Variants in SOD1 observed in about 807,000 individuals in gnomAD.
The protein encoded by SOD1 is superoxide dismutase 1.
SOD1 carries 8 observed loss-of-function variants against 15.9 expected under a neutral mutation model. That is an observed-to-expected ratio of 0.50 (90% CI 0.30 to 0.91). SOD1 has a LOEUF of 0.91. Among genes scored for constraint, SOD1 ranks in the 40% least tolerant of loss-of-function variants. The pLI is 0.07. For synonymous variants in SOD1, 86 were observed against 71.2 expected, an observed-to-expected ratio of 1.21 and a Z score of -1.04; for missense variants, 137 against 194.5, an observed-to-expected ratio of 0.70 and a Z score of 1.76.
At chr21:31,666,722 A>G in intron 3 of SOD1, 1 of 613,642 alleles carries the variant, frequency 1.6e-6, no homozygotes, top group East Asian at 2.9e-5. Context: ...GGGACACTTA[A>G]AACGATTTGG....
chr21:31,663,300 A>G (rs2049565003), intron 1 of SOD1, among the ~76,000 whole-genome samples: 4 of 152,024 alleles, frequency 2.6e-5, no homozygotes, highest in African/African-American at 7.2e-5. Context: ...AGATCATGCC[A>G]CTGCACTCCA....
At position 31,659,966 on chromosome 21, in the gene SOD1, GC is replaced by G. The variant is rs149235824; in HGVS notation, c.72+128del. On this transcript the variant is annotated intron_variant, in intron 1 of 4. Transcript: ENST00000270142. Reference sequence around the variant, plus strand: ...CGCCCTGGTCCAGCGCCCGGTCCCGGCCCGTGCCGCCCGGTCGGTGCCTTCG... The same window carrying G: ...CGCCCTGGTCCAGCGCCCGGTCCCGGCCGTGCCGCCCGGTCGGTGCCTTCG... The G allele has an allele frequency of 7.1e-5, 60 of 850,714 alleles. 1 individual carries two copies. The East Asian group carries it at 1.7e-3, about 23-fold the overall frequency. The allele number at this position is 850,714 out of a possible 1,614,324, so 52.7% of individuals were successfully genotyped here. A position where few individuals can be genotyped will look rare whatever the true frequency, so the allele number is the denominator to read the frequency against.
At position 31,668,664 on chromosome 21, in the gene SOD1, CTG is replaced by C. The variant is rs1483827840; in HGVS notation, c.*88_*89del. The C allele has an allele frequency of 6.9e-6, 7 of 1,020,504 alleles. No individual in the cohort carries two copies. Among genetic ancestry groups the C allele is most frequent in the Middle Eastern group, 2.0e-4 (1 of 4,936 alleles). 63.2% of individuals were successfully genotyped at this position (1,020,504 alleles called of 1,614,324 possible). A position where few individuals can be genotyped will look rare whatever the true frequency, so the allele number is the denominator to read the frequency against. ...AATGTATCCTGATAAACATTAAACA[CTG>C]TAATCTTAAAAGTGTAATTGTGTGA... On this transcript the variant is annotated 3_prime_UTR_variant, in exon 5 of 5. Transcript: ENST00000270142.
chr21:31,667,042 T>G (rs544232783), intron 3 of SOD1: 2 of 596,502 alleles, frequency 3.4e-6, no homozygotes, highest in Admixed American at 2.7e-5. Context: ...ACTGAGAGTT[T>G]ACCCTTTGGT....
In SOD1 at chr21:31,668,779, A is replaced by T; in HGVS notation, c.*201A>T. 1.8e-6 allele frequency: 1 copy of T among 567,446 alleles called. No individual in the cohort carries two copies. Among genetic ancestry groups the T allele is most frequent in the South Asian group, 2.0e-5 (1 of 49,782 alleles). The allele number at this position is 567,446 out of a possible 1,614,324, so 35.2% of individuals were successfully genotyped here. ...TTGTATAGTTTTATAAAACTCAGTT[A>T]AAATGTCTGTTTCAATGACCTGTAT... On this transcript the variant is annotated 3_prime_UTR_variant, in exon 5 of 5. Transcript: ENST00000270142.
chr21:31,665,345 T>G (rs763707947), intron 2 of SOD1, among the ~76,000 whole-genome samples: 1 of 152,194 alleles, frequency 6.6e-6, no homozygotes, highest in Non-Finnish European at 1.5e-5. Context: ...TTTTTTTGTT[T>G]ATAGATTTCT....
At chr21:31,660,854 A>G (rs751543575) in intron 1 of SOD1, 2 of 152,246 alleles carry the variant, frequency 1.3e-5, no homozygotes, top group Non-Finnish European at 2.9e-5. Context: ...TTGGCACTTA[A>G]TAACTGTTGT....
In SOD1 at chr21:31,666,535, C is replaced by T; in HGVS notation, c.239+17C>T. On this transcript the variant is annotated intron_variant, in intron 3 of 4. Transcript: ENST00000270142. The stretch of plus-strand genomic sequence containing the variant: ...TGAAGAGAGGTAACAAGATGCTTAA[C>T]TCTTGTAATAATGGCGATAGCTTTC... 1 of 1,568,926 alleles carries T rather than the reference C, an allele frequency of 6.4e-7. No individual in the cohort carries two copies. The highest frequency in any genetic ancestry group is 8.8e-7 in the Non-Finnish European group (1 of 1,139,598).
intron 1 of SOD1, among the ~76,000 whole-genome samples, chr21:31,660,978 A>G (rs1278646759): frequency 6.6e-6 from 1 of 152,252 alleles, no homozygotes; most frequent in Non-Finnish European, 1.5e-5. Flanking sequence ...TAAAATATAC[A>G]GAAATATTTT....
intron 1 of SOD1, chr21:31,660,674 C>G (rs1291029678): frequency 6.6e-6 from 1 of 152,196 alleles, no homozygotes; most frequent in Non-Finnish European, 1.5e-5. Flanking sequence ...AGCCCAACCT[C>G]CGACCAATTA....
At chr21:31,664,562 AGAAAG>A (rs1214728942) in intron 2 of SOD1, 14 of 154,016 alleles carry the variant, frequency 9.1e-5, no homozygotes, top group Admixed American at 9.0e-4. Context: ...GGTGTGGAAA[AGAAAG>A]GGAAAGAGTT....
intron 4 of SOD1, 45 bp from the exon 5 acceptor site, chr21:31,668,426 T>C: frequency 7.7e-7 from 1 of 1,302,818 alleles, no homozygotes; most frequent in Admixed American, 1.7e-5. Flanking sequence ...GAGGAGGTAG[T>C]GATTACTTGA....
At chr21:31,668,355 T>A in intron 4 of SOD1, 116 bp from the exon 5 acceptor site, 1 of 750,512 alleles carries the variant, frequency 1.3e-6, no homozygotes, top group Admixed American at 1.9e-5. Flanking sequence ...ATCTCTCTAC[T>A]AGGATTAATG....
chr21:31,665,357 CTTAAA>C lies in SOD1; in HGVS notation c.170-1087_170-1083del, dbSNP rs369471108. On this transcript the variant is annotated intron_variant, in intron 2 of 4. Coordinates refer to ENST00000270142, the MANE Select transcript of SOD1 (RefSeq NM_000454.5). ...TGATTTTTTTGTTTATAGATTTCTT[CTTAAA>C]TTAACTTTATTCATCTTGCTAATTT... 3.9e-3 allele frequency among the ~76,000 whole-genome samples: 599 copies of C among 152,254 alleles called. 6 individuals carry two copies. The highest frequency in any genetic ancestry group is 0.014 in the African/African-American group (562 of 41,546).
Position 31,663,822 on chromosome 21 carries a change from C to T in SOD1, c.105C>T (p.Ser35=). ...ESNGPVKVWG[S]IKGLTEGLHG... ...ATGGACCAGTGAAGGTGTGGGGAAG[C>T]ATTAAAGGACTGACTGAAGGCCTGC... Residue 35 remains serine (S), a synonymous_variant, in exon 2 of 5, where the codon AGC becomes AGT. Coordinates refer to ENST00000270142, the MANE Select transcript of SOD1 (RefSeq NM_000454.5). The T allele has an allele frequency of 6.2e-7, 1 of 1,613,392 alleles. No homozygotes were observed. The highest frequency in any genetic ancestry group is 8.5e-7 in the Non-Finnish European group (1 of 1,179,398).
Position 31,668,809 on chromosome 21 carries a change from C to G in SOD1, c.*231C>G. On this transcript the variant is annotated 3_prime_UTR_variant, in exon 5 of 5. Coordinates refer to ENST00000270142, the MANE Select transcript of SOD1 (RefSeq NM_000454.5). ...GTCTGTTTCAATGACCTGTATTTTG[C>G]CAGACTTAAATCACAGATGGGTATT... 2.0e-6 allele frequency: 1 copy of G among 505,298 alleles called. No individual in the cohort carries two copies. The highest frequency in any genetic ancestry group is 2.1e-5 in the South Asian group (1 of 47,028). The allele number at this position is 505,298 out of a possible 1,614,324, so 31.3% of individuals were successfully genotyped here.
At chr21:31,662,734 G>A (rs984491616) in intron 1 of SOD1, among the ~76,000 whole-genome samples, 1 of 152,214 alleles carries the variant, frequency 6.6e-6, no homozygotes, top group African/African-American at 2.4e-5. Context: ...ACCTGTGATA[G>A]CCGGGCGTGG....
chr21:31,659,875 C>A, intron 1 of SOD1, 34 bp downstream of exon 1: 1 of 1,592,798 alleles, frequency 6.3e-7, no homozygotes, highest in Non-Finnish European at 8.6e-7. Context: ...TTTGCGAGGC[C>A]GCTCCCACCC....
At position 31,659,785 on chromosome 21, in the gene SOD1, G is replaced by C; in HGVS notation, c.16G>C (p.Val6Leu). 3 of 1,613,934 alleles carry C rather than the reference G, an allele frequency of 1.9e-6. No homozygotes were observed. The highest frequency in any genetic ancestry group is 2.5e-6 in the Non-Finnish European group (3 of 1,179,904). Residue 6 changes from valine (V) to leucine (L), a missense_variant, in exon 1 of 5, where the codon GTG becomes CTG. Val to Leu is a conservative substitution (Grantham distance 32, BLOSUM62 1). Transcript: ENST00000270142. MATKAVCVLKGDGPVQ... is the reference protein window; with the variant it reads MATKALCVLKGDGPVQ... ...CTAGCGAGTTATGGCGACGAAGGCC[G>C]TGTGCGTGCTGAAGGGCGACGGCCC...
Sources: allele counts gnomAD v4.1 joint callset (sites outside exome capture counted in the v4.1 genomes callset), GRCh38; gene constraint gnomAD v4.1.1; transcripts MANE v1.5; gene names NCBI Gene and HGNC (gene_info 2026-07-23, HGNC 2026-07-21).